The following CHST9 variants were observed in gnomAD, a reference collection of about 807,000 sequenced individuals.
CHST9 encodes carbohydrate sulfotransferase 9.
CHST9 carries 41 observed loss-of-function variants against 44.4 expected under a neutral mutation model. That is an observed-to-expected ratio of 0.92 (90% CI 0.72 to 1.20). CHST9 has a LOEUF of 1.20. Among genes scored for constraint, CHST9 ranks in the 50% most tolerant of loss-of-function variants. CHST9 has a pLI of 0.00. For synonymous variants in CHST9, 171 were observed against 178.4 expected, an observed-to-expected ratio of 0.96 and a Z score of 0.33; for missense variants, 504 against 516.5, an observed-to-expected ratio of 0.98 and a Z score of 0.23.
At chr18:27,003,786 A>C (rs1222075254) in intron 4 of CHST9, among the ~76,000 whole-genome samples, 1 of 152,102 alleles carries the variant, frequency 6.6e-6, no homozygotes, top group Non-Finnish European at 1.5e-5. Context: ...TATACTTTTC[A>C]CTTTTCAATC....
intron 1 of CHST9, among the ~76,000 whole-genome samples, chr18:27,161,139 T>C (rs1337007406): frequency 6.6e-6 from 1 of 152,164 alleles, no homozygotes. Context: ...TAGTTATTTC[T>C]TGCCTTCTGC....
At chr18:27,048,438 G>A in intron 3 of CHST9, 27 bp downstream of exon 3, 1 of 1,577,390 alleles carries the variant, frequency 6.3e-7, no homozygotes, top group Non-Finnish European at 8.6e-7. Context: ...AGGAAATAAA[G>A]CTGGAGCCCA....
chr18:26,966,245 T>G (rs2056462867), intron 4 of CHST9, among the ~76,000 whole-genome samples: 1 of 152,224 alleles, frequency 6.6e-6, no homozygotes, highest in Non-Finnish European at 1.5e-5. Context: ...ATATGACAGC[T>G]CTTTTAAAAA....
intron 2 of CHST9, among the ~76,000 whole-genome samples, chr18:27,055,003 A>G (rs970392002): frequency 2.0e-5 from 3 of 152,072 alleles, no homozygotes; most frequent in Non-Finnish European, 2.9e-5. Flanking sequence ...CTGTTGTGGT[A>G]TCTTATGAAA....
intron 4 of CHST9, among the ~76,000 whole-genome samples, chr18:26,984,466 C>T (rs1420424774): frequency 6.6e-6 from 1 of 151,968 alleles, no homozygotes; most frequent in Non-Finnish European, 1.5e-5. Context: ...GCAACAGTTT[C>T]TCAAACAGGA....
At chr18:26,958,328 T>C (rs2056354269) in intron 4 of CHST9, among the ~76,000 whole-genome samples, 1 of 152,008 alleles carries the variant, frequency 6.6e-6, no homozygotes, top group South Asian at 2.1e-4. Flanking sequence ...TCTTTGACTC[T>C]TAAAAGAATG....
At chr18:27,049,818 A>C (rs1255394668) in intron 2 of CHST9, among the ~76,000 whole-genome samples, 3 of 152,194 alleles carry the variant, frequency 2.0e-5, no homozygotes, top group Admixed American at 6.5e-5. Context: ...AATGTTCATC[A>C]TAAGATGGCT....
chr18:26,918,616 A>G (rs1055854442), intron 5 of CHST9, among the ~76,000 whole-genome samples: 7 of 152,074 alleles, frequency 4.6e-5, no homozygotes, highest in Non-Finnish European at 1.0e-4. Flanking sequence ...TTTCTCTCAA[A>G]TATTTGTGGA....
intron 3 of CHST9, 95 bp downstream of exon 3, chr18:27,048,365 ATTAAT>A: frequency 1.1e-6 from 1 of 876,586 alleles, no homozygotes; most frequent in East Asian, 2.7e-5. Flanking sequence ...ACCATAAACT[ATTAAT>A]TTTAGTGTGA....
intron 2 of CHST9, among the ~76,000 whole-genome samples, chr18:27,119,214 G>A (rs942255563): frequency 1.3e-5 from 2 of 151,934 alleles, no homozygotes; most frequent in African/African-American, 2.4e-5. Context: ...TTGCCTTCTC[G>A]GTTTAATTAA....
intron 4 of CHST9, among the ~76,000 whole-genome samples, chr18:27,006,617 G>A (rs554582963): frequency 5.3e-5 from 8 of 152,210 alleles, no homozygotes; most frequent in Admixed American, 1.3e-4. Context: ...CCCATTTCCC[G>A]TCTGCAGTTG....
intron 4 of CHST9, among the ~76,000 whole-genome samples, chr18:26,976,123 C>G (rs182795469): frequency 6.6e-6 from 1 of 151,866 alleles, no homozygotes; most frequent in Non-Finnish European, 1.5e-5. Context: ...GTGGGATAAG[C>G]AAAAGCTACT....
intron 4 of CHST9, among the ~76,000 whole-genome samples, chr18:27,013,864 T>A (rs1032600178): frequency 6.6e-6 from 1 of 152,222 alleles, no homozygotes; most frequent in Non-Finnish European, 1.5e-5. Flanking sequence ...TGTAAACTAA[T>A]TTGAATTTAA....
chr18:27,129,372 A>AT (rs199614961), intron 2 of CHST9, among the ~76,000 whole-genome samples: 10 of 151,204 alleles, frequency 6.6e-5, no homozygotes, highest in Non-Finnish European at 1.0e-4. Context: ...TTTATTTTTT[A>AT]TTTTTTTTAT....
chr18:27,021,364 C>T (rs186623807), intron 4 of CHST9, among the ~76,000 whole-genome samples: 82 of 152,288 alleles, frequency 5.4e-4, no homozygotes, highest in African/African-American at 1.9e-3. Flanking sequence ...AGGCTGCGGA[C>T]TCTGAATAGA....
chr18:26,979,685 C>T (rs565941096), intron 4 of CHST9, among the ~76,000 whole-genome samples: 2 of 152,232 alleles, frequency 1.3e-5, no homozygotes, highest in Admixed American at 6.5e-5. Flanking sequence ...GTAGGAGCCA[C>T]GTCTATTTGT....
chr18:27,163,564 T>A (rs1227538064), intron 1 of CHST9, among the ~76,000 whole-genome samples: 1 of 152,198 alleles, frequency 6.6e-6, no homozygotes, highest in African/African-American at 2.4e-5. Flanking sequence ...CATCTCAGAC[T>A]GCTGTGCTAG....
intron 5 of CHST9, among the ~76,000 whole-genome samples, chr18:26,929,492 G>A (rs2055836918): frequency 1.3e-5 from 2 of 152,062 alleles, no homozygotes; most frequent in African/African-American, 2.4e-5. Context: ...TTTAAATACC[G>A]GGCATATCAT....
At chr18:27,159,097 G>GAA (rs2058723685) in intron 1 of CHST9, among the ~76,000 whole-genome samples, 1 of 152,132 alleles carries the variant, frequency 6.6e-6, no homozygotes, top group African/African-American at 2.4e-5. Flanking sequence ...TTGCTGTGCA[G>GAA]AAGCTCTTTA....
Sources: gnomAD v4.1 joint callset for allele counts (sites outside exome capture counted in the v4.1 genomes callset) on GRCh38, gnomAD v4.1.1 for gene constraint, MANE v1.5 for transcripts, NCBI Gene and HGNC (gene_info 2026-07-23, HGNC 2026-07-21) for gene names.